The following DNAJC6 variants were observed in gnomAD, a reference collection of about 807,000 sequenced individuals.
DNAJC6 encodes the protein DnaJ heat shock protein family (Hsp40) member C6, also known as auxilin.
In DNAJC6, 34 loss-of-function variants were observed where a neutral mutation model predicts 110.0. That is an observed-to-expected ratio of 0.31 (90% CI 0.24 to 0.41). The LOEUF (loss-of-function observed/expected upper bound fraction) is 0.41. Among genes scored for constraint, DNAJC6 ranks in the 10% least tolerant of loss-of-function variants. DNAJC6 has a pLI of 1.00. For missense variants in DNAJC6, 1,031 were observed against 1,207.8 expected (o/e 0.85, Z 2.17); for synonymous variants, 406 against 437.2 (o/e 0.93, Z 0.89).
intron 1 of DNAJC6, among the ~76,000 whole-genome samples, chr1:65,315,975 A>G (rs1012111065): frequency 1.2e-4 from 19 of 152,250 alleles, no homozygotes; most frequent in Non-Finnish European, 1.8e-4. Context: ...TTACTTAAAT[A>G]TAAAGAATTT....
At chr1:65,331,515 C>G (rs1048264650) in intron 1 of DNAJC6, among the ~76,000 whole-genome samples, 1 of 152,178 alleles carries the variant, frequency 6.6e-6, no homozygotes, top group African/African-American at 2.4e-5. Context: ...CAAGGTTGTA[C>G]AGCGATTACA....
chr1:65,342,570 T>C (rs1645398757), intron 1 of DNAJC6, among the ~76,000 whole-genome samples: 1 of 152,176 alleles, frequency 6.6e-6, no homozygotes, highest in South Asian at 2.1e-4. Flanking sequence ...CCACTCAATT[T>C]ATAGTACCTT....
Position 65,276,125 on chromosome 1 carries a change from G to A in DNAJC6, c.-131+11193G>A, listed in dbSNP as rs186823304. Among the ~76,000 whole-genome samples, 537 of 152,150 alleles carry A rather than the reference G, an allele frequency of 3.5e-3. 3 individuals carry two copies. The highest frequency in any genetic ancestry group is 0.012 in the African/African-American group (511 of 41,506). ...TTGAACTCCTGGCCTGAAGTGATCCGCTCACCTTGACCTCCCAAAGTGCTG... is the reference window on the plus strand; with the variant it reads ...TTGAACTCCTGGCCTGAAGTGATCCACTCACCTTGACCTCCCAAAGTGCTG... On this transcript the variant is annotated intron_variant, in intron 1 of 19. Coordinates refer to the DNAJC6 transcript ENST00000263441.
At chr1:65,385,996 A>C (rs1416842794) in intron 7 of DNAJC6, 90 bp downstream of exon 7, 2 of 1,274,414 alleles carry the variant, frequency 1.6e-6, no homozygotes, top group African/African-American at 3.0e-5. Flanking sequence ...TTCCTGCAAG[A>C]CTATATCATT....
chr1:65,376,535 T>G (rs1018460046), intron 4 of DNAJC6, among the ~76,000 whole-genome samples: 1 of 151,770 alleles, frequency 6.6e-6, no homozygotes, highest in Non-Finnish European at 1.5e-5. Flanking sequence ...GCTATAAACT[T>G]TCCTCTTAGT....
chr1:65,309,090 TTC>T, upstream of DNAJC6, among the ~76,000 whole-genome samples: 1 of 152,134 alleles, frequency 6.6e-6, no homozygotes, highest in African/African-American at 2.4e-5. Flanking sequence ...TGGCGGAATC[TTC>T]CGGTGAAAAT....
rs141940374 is a variant in DNAJC6, at chr1:65,288,553, C to T, written c.-131+23621C>T. Among the ~76,000 whole-genome samples the T allele has an allele frequency of 6.6e-5, 10 of 152,172 alleles. No homozygotes were observed. The East Asian group carries it at 9.7e-4, about 15-fold the overall frequency. ...GCCCAAAGAACATTGAATTTGTAGG[C>T]GAAATTTTAAGTACACAGAAAAGTG... On this transcript the variant is annotated intron_variant, in intron 1 of 19. Transcript: ENST00000263441.
chr1:65,321,602 C>T (rs1359531), intron 1 of DNAJC6, among the ~76,000 whole-genome samples: 111,617 of 152,110 alleles, frequency 0.73, 40,973 homozygotes, highest in East Asian at 0.83. Context: ...TGCCCCTACA[C>T]AGGCATCGCC....
At chr1:65,272,604 A>G (rs1057130296) in intron 1 of DNAJC6, among the ~76,000 whole-genome samples, 1 of 152,214 alleles carries the variant, frequency 6.6e-6, no homozygotes, top group African/African-American at 2.4e-5. Flanking sequence ...TGAGATTAGA[A>G]TTATTCTTTA....
Position 65,365,911 on chromosome 1 carries a change from C to G in DNAJC6, c.371C>G (p.Thr124Ser), listed in dbSNP as rs777685662. The G allele has an allele frequency of 4.3e-6, 7 of 1,613,558 alleles. No individual in the cohort carries two copies. The highest frequency in any genetic ancestry group is 5.9e-6 in the Non-Finnish European group (7 of 1,179,682). The change falls in exon 3 of 19, where the codon ACT becomes AGT. Residue 124 changes from threonine to serine, a missense_variant. Physicochemically the swap from Thr to Ser is moderately conservative, Grantham distance 58 (BLOSUM62 1). Coordinates refer to ENST00000371069, the MANE Select transcript of DNAJC6 (RefSeq NM_001256864.2). ...TSYTKGDLDF[T>S]YVTSRIIVMS... ...TACACAAAGGGAGATTTAGACTTCA[C>G]TTATGTTACCTCCAGAATTATTGGT...
intron 1 of DNAJC6, among the ~76,000 whole-genome samples, chr1:65,362,318 C>G (rs1225752173): frequency 6.6e-6 from 1 of 151,950 alleles, no homozygotes; most frequent in African/African-American, 2.4e-5. Context: ...AAATACCTAC[C>G]AGATAGTAAG....
chr1:65,269,106 A>G (rs919791051), intron 1 of DNAJC6, among the ~76,000 whole-genome samples: 1 of 152,128 alleles, frequency 6.6e-6, no homozygotes, highest in Non-Finnish European at 1.5e-5. Context: ...GTGGTGGCTC[A>G]ACCTGTGATC....
At chr1:65,346,211 T>G (rs1422447027) in intron 1 of DNAJC6, among the ~76,000 whole-genome samples, 1 of 152,140 alleles carries the variant, frequency 6.6e-6, no homozygotes. Context: ...CTAATACAAT[T>G]TTCTGATAAT....
intron 1 of DNAJC6, among the ~76,000 whole-genome samples, chr1:65,312,406 G>A (rs1216129525): frequency 6.6e-6 from 1 of 152,180 alleles, no homozygotes; most frequent in Non-Finnish European, 1.5e-5. Flanking sequence ...TTTCTTCTAA[G>A]ATCCTCAAAG....
At chr1:65,281,677 T>C (rs750234809) in intron 1 of DNAJC6, among the ~76,000 whole-genome samples, 1 of 152,112 alleles carries the variant, frequency 6.6e-6, no homozygotes, top group Non-Finnish European at 1.5e-5. Context: ...GGCACAATCT[T>C]GGCTCACTGC....
At chr1:65,292,319 GGTTTTTTTTTTTT>G (rs1570228836) in intron 1 of DNAJC6, among the ~76,000 whole-genome samples, 2 of 139,512 alleles carry the variant, frequency 1.4e-5, no homozygotes, top group South Asian at 2.3e-4. Context: ...CACCCGGCCT[GGTTTTTTTTTTTT>G]GTTTTTTTTT....
chr1:65,389,290 T>C lies in DNAJC6; in HGVS notation c.1228T>C (p.Tyr410His). The change falls in exon 10 of 19, where the codon TAT (tyrosine) becomes CAT (histidine). Residue 410 changes from tyrosine (Y) to histidine (H), a missense_variant. Coordinates refer to ENST00000371069, the MANE Select transcript of DNAJC6 (RefSeq NM_001256864.2). ...ELDACDVPEK[Y>H]PQLFQVTLDV... The stretch of plus-strand genomic sequence containing the variant: ...AGATGCATGTGATGTACCAGAAAAA[T>C]ATCCTCAGCTATTTCAGGTGACACT... The C allele has an allele frequency of 6.2e-7, 1 of 1,614,010 alleles. No homozygotes were observed. Among genetic ancestry groups the C allele is most frequent in the East Asian group, 2.2e-5 (1 of 44,870 alleles).
intron 7 of DNAJC6, among the ~76,000 whole-genome samples, chr1:65,386,491 G>T (rs1307088764): frequency 6.6e-6 from 1 of 152,102 alleles, no homozygotes; most frequent in Non-Finnish European, 1.5e-5. Context: ...TCTGCTTTTA[G>T]TATTAATTTA....
chr1:65,379,341 A>G, intron 4 of DNAJC6, 61 bp from the exon 5 acceptor site: 5 of 1,602,024 alleles, frequency 3.1e-6, no homozygotes, highest in Non-Finnish European at 4.3e-6. Flanking sequence ...TTGGTGTGAT[A>G]ACCTGCTTAT....
Sources: gnomAD v4.1 joint callset for allele counts (sites outside exome capture counted in the v4.1 genomes callset) on GRCh38, gnomAD v4.1.1 for gene constraint, MANE v1.5 for transcripts, NCBI Gene and HGNC (gene_info 2026-07-23, HGNC 2026-07-21) for gene names.